Variants in RBFOX1 observed in about 807,000 individuals in gnomAD.
RBFOX1 encodes the protein RNA binding fox-1 homolog 1.
A neutral mutation model predicts 57.7 loss-of-function variants in RBFOX1; 8 were observed. The observed-to-expected ratio is 0.14, with a 90% CI of 0.08 to 0.25. The LOEUF is 0.25. Ranked by LOEUF, RBFOX1 falls within the 10% of genes least tolerant of loss-of-function variation. The probability of loss-of-function intolerance (pLI) is 1.00; values close to 1 mark genes in which losing one functional copy is unlikely to be tolerated. For synonymous variants in RBFOX1, 326 were observed against 222.4 expected, an observed-to-expected ratio of 1.47 and a Z score of -4.15; for missense variants, 611 against 548.5, an observed-to-expected ratio of 1.11 and a Z score of -1.14.
intron 4 of RBFOX1, among the ~76,000 whole-genome samples, chr16:5,895,004 C>T (rs531428190): frequency 7.3e-5 from 11 of 151,174 alleles, no homozygotes; most frequent in African/African-American, 2.7e-4. Flanking sequence ...GCCTGGGCAA[C>T]AGAGTGAGAC....
chr16:7,462,058 A>G (rs1468921166), intron 4 of RBFOX1, among the ~76,000 whole-genome samples: 1 of 152,168 alleles, frequency 6.6e-6, no homozygotes, highest in African/African-American at 2.4e-5. Context: ...GGGACAATAG[A>G]ACTGTGAAAA....
intron 3 of RBFOX1, among the ~76,000 whole-genome samples, chr16:5,816,940 C>G (rs779751953): frequency 3.9e-5 from 6 of 152,080 alleles, no homozygotes; most frequent in Non-Finnish European, 5.9e-5. Flanking sequence ...CATGCATATC[C>G]TCTCTGTGTT....
At chr16:7,163,266 G>A (rs570511557) in intron 4 of RBFOX1, among the ~76,000 whole-genome samples, 2 of 152,230 alleles carry the variant, frequency 1.3e-5, no homozygotes, top group East Asian at 3.9e-4. Context: ...TGATTTGGAC[G>A]AAGGGGCAGG....
At chr16:5,516,326 C>T (rs2043791328) in intron 2 of RBFOX1, among the ~76,000 whole-genome samples, 2 of 151,984 alleles carry the variant, frequency 1.3e-5, no homozygotes, top group East Asian at 3.9e-4. Flanking sequence ...AGCTTCCTGT[C>T]TCCCTCACTT....
chr16:6,913,066 G>A (rs2072121657), intron 3 of RBFOX1, among the ~76,000 whole-genome samples: 1 of 152,080 alleles, frequency 6.6e-6, no homozygotes, highest in South Asian at 2.1e-4. Flanking sequence ...CTTGGAAAGG[G>A]CCCCAGGCAG....
At chr16:6,043,642 G>A (rs1050221037) in intron 1 of RBFOX1, among the ~76,000 whole-genome samples, 8 of 152,178 alleles carry the variant, frequency 5.3e-5, no homozygotes, top group African/African-American at 1.9e-4. Context: ...CCTTGGCCCA[G>A]GGGGAGTCTG....
intron 4 of RBFOX1, among the ~76,000 whole-genome samples, chr16:7,110,075 T>G (rs1182586287): frequency 6.6e-6 from 1 of 151,676 alleles, no homozygotes; most frequent in South Asian, 2.1e-4. Flanking sequence ...AGAATCTCTG[T>G]GTGGTGGCTC....
intron 3 of RBFOX1, among the ~76,000 whole-genome samples, chr16:6,847,696 G>C (rs926164222): frequency 1.3e-5 from 2 of 152,146 alleles, no homozygotes; most frequent in African/African-American, 4.8e-5. Flanking sequence ...ATTTGACAGT[G>C]ATCGTCAGGA....
At chr16:5,416,401 G>A (rs1330271763) in intron 1 of RBFOX1, among the ~76,000 whole-genome samples, 2 of 152,078 alleles carry the variant, frequency 1.3e-5, no homozygotes, top group South Asian at 4.1e-4. Context: ...TGACCTCAGT[G>A]ATCTAGTGGA....
intron 3 of RBFOX1, among the ~76,000 whole-genome samples, chr16:7,040,226 G>A (rs769664025): frequency 4.6e-5 from 7 of 151,594 alleles, no homozygotes; most frequent in African/African-American, 7.3e-5. Context: ...TCACCATGTT[G>A]GCCAGGATGG....
rs924032945 is a variant in RBFOX1 at position 6,927,337 on chromosome 16, C to T, written c.-15-124720C>T. 5.1e-4 allele frequency among the ~76,000 whole-genome samples: 71 copies of T among 139,106 alleles called. 1 individual carries two copies. Among genetic ancestry groups the T allele is most frequent in the Admixed American group, 3.2e-4 (4 of 12,346 alleles). 91.3% of individuals were successfully genotyped at this position (139,106 alleles called of 152,430 possible). On this transcript the variant is annotated intron_variant, in intron 3 of 15. Transcript: ENST00000550418. ...TTGAGGCACGAGAATCGCTGGAACC[C>T]GGGAGGCAGAGGTTGCAGTGAGCTG...
intron 2 of RBFOX1, among the ~76,000 whole-genome samples, chr16:6,358,898 T>C (rs963510906): frequency 6.6e-5 from 10 of 152,182 alleles, no homozygotes; most frequent in Non-Finnish European, 1.0e-4. Context: ...GAGGGACATA[T>C]TGAGTTCGAA....
chr16:5,652,211 C>A (rs143241397), intron 3 of RBFOX1, among the ~76,000 whole-genome samples: 25 of 152,286 alleles, frequency 1.6e-4, no homozygotes, highest in African/African-American at 5.1e-4. Flanking sequence ...GATTACTAGT[C>A]TTTAGATACC....
At chr16:7,067,078 A>G (rs969087959) in intron 4 of RBFOX1, among the ~76,000 whole-genome samples, 1 of 152,162 alleles carries the variant, frequency 6.6e-6, no homozygotes, top group Non-Finnish European at 1.5e-5. Flanking sequence ...ACACACACAG[A>G]ATCTATACCA....
chr16:6,556,601 A>T (rs1194129235), intron 2 of RBFOX1, among the ~76,000 whole-genome samples: 1 of 152,224 alleles, frequency 6.6e-6, no homozygotes, highest in Non-Finnish European at 1.5e-5. Context: ...ATTGAATTTT[A>T]GATTAATATA....
At chr16:7,611,496 T>C (rs191930188) in intron 10 of RBFOX1, among the ~76,000 whole-genome samples, 9 of 151,894 alleles carry the variant, frequency 5.9e-5, no homozygotes, top group Non-Finnish European at 1.0e-4. Flanking sequence ...GAAGAATCAC[T>C]TGAACCTGGG....
intron 3 of RBFOX1, among the ~76,000 whole-genome samples, chr16:6,976,785 T>TTATA (rs3074657): frequency 1.4e-5 from 2 of 140,398 alleles, no homozygotes; most frequent in Non-Finnish European, 3.0e-5. Flanking sequence ...TATCAATATA[T>TTATA]TATATATATG....
intron 14 of RBFOX1, among the ~76,000 whole-genome samples, chr16:7,681,859 G>C (rs886204382): frequency 6.6e-6 from 1 of 152,040 alleles, no homozygotes; most frequent in Non-Finnish European, 1.5e-5. Context: ...AGTTTGATAG[G>C]GATTGAAAAT....
At position 5,763,357 on chromosome 16, in the gene RBFOX1, G is replaced by A. The variant is rs574537250; in HGVS notation, c.319-103946G>A. ...CTCGTTGCCCAAGTTGGCTGTGCTT[G>A]GGGGTGACTCGCTCCCAGCTACAGC... On this transcript the variant is annotated intron_variant, in intron 3 of 19. Coordinates refer to the RBFOX1 transcript ENST00000641259. 2.6e-5 allele frequency among the ~76,000 whole-genome samples: 4 copies of A among 152,304 alleles called. No individual in the cohort carries two copies. In the South Asian group the frequency reaches 8.3e-4, roughly 32 times the overall value.
Sources: gnomAD v4.1 joint callset for allele counts (sites outside exome capture counted in the v4.1 genomes callset) on GRCh38, gnomAD v4.1.1 for gene constraint, MANE v1.5 for transcripts, NCBI Gene and HGNC (gene_info 2026-07-23, HGNC 2026-07-21) for gene names.